ATAD2B: variants seen among roughly 807,000 people sequenced by gnomAD.
The protein encoded by ATAD2B is ATPase family AAA domain-containing protein 2B.
ATAD2B carries 40 observed loss-of-function variants against 167.6 expected under a neutral mutation model. That is an observed-to-expected ratio of 0.24 (90% confidence interval 0.19 to 0.31). ATAD2B has a LOEUF of 0.31. Among genes scored for constraint, ATAD2B ranks in the 10% least tolerant of loss-of-function variants. The probability of loss-of-function intolerance (pLI) is 1.00; values close to 1 mark genes in which losing one functional copy is unlikely to be tolerated. For synonymous variants in ATAD2B, 579 were observed against 596.5 expected, an observed-to-expected ratio of 0.97 and a Z score of 0.43; for missense variants, 1,242 against 1,757.2, an observed-to-expected ratio of 0.71 and a Z score of 5.24.
At chr2:23,806,149 A>T (rs971843891) in intron 18 of ATAD2B, 1 of 152,206 alleles carries the variant, frequency 6.6e-6, no homozygotes, top group African/African-American at 2.4e-5. Flanking sequence ...ACTTTCACAC[A>T]TAAGATAATA....
Position 23,926,745 on chromosome 2 carries a change from A to G in ATAD2B, c.26T>C (p.Leu9Pro). 1 of 1,547,276 alleles carries G rather than the reference A, an allele frequency of 6.5e-7. No homozygotes were observed. Among genetic ancestry groups the G allele is most frequent in the South Asian group, 1.2e-5 (1 of 83,856 alleles). The change falls in exon 1 of 28, where the codon CTC (leucine) becomes CCC (proline). Residue 9 changes from leucine (L) to proline (P), a missense_variant. Around this residue, in one of 9 missense-constraint regions of ATAD2B, gnomAD observed 199 missense variants for 194.9 expected, o/e 1.02. Coordinates refer to ENST00000238789, the MANE Select transcript of ATAD2B (RefSeq NM_017552.4). MVNTRKSSLRLLGSKSPGP... is the reference protein window; with the variant it reads MVNTRKSSPRLLGSKSPGP... ...AGGAGACTTGGACCCGAGAAGGCGG[A>G]GAGAGCTCTTCCGGGTGTTCACCAT... is the stretch of plus-strand genomic sequence containing the variant.
intron 1 of ATAD2B, among the ~76,000 whole-genome samples, chr2:23,925,210 A>T (rs1704543529): frequency 6.6e-6 from 1 of 152,230 alleles, no homozygotes; most frequent in South Asian, 2.1e-4. Context: ...CACAACTTTC[A>T]GATTTAACCT....
intron 17 of ATAD2B, among the ~76,000 whole-genome samples, chr2:23,814,544 C>T (rs145110246): frequency 6.6e-6 from 1 of 152,250 alleles, no homozygotes. Flanking sequence ...AATTCCAAGA[C>T]TGCAAACAGG....
the ATAD2B span, among the ~76,000 whole-genome samples, chr2:23,725,397 A>G: frequency 1.2e-4 from 19 of 152,258 alleles, no homozygotes; most frequent in Admixed American, 3.9e-4. Flanking sequence ...GTCTGTGTAA[A>G]TATAACAGAT....
intron 3 of ATAD2B, 68 bp from the exon 4 acceptor site, chr2:23,888,053 C>CA: frequency 9.2e-7 from 1 of 1,084,376 alleles, no homozygotes; most frequent in South Asian, 2.4e-5. Context: ...AAAAAAAAAT[C>CA]AAAAAATTAC....
chr2:23,706,058 A>G, the ATAD2B span, among the ~76,000 whole-genome samples: 2 of 152,198 alleles, frequency 1.3e-5, no homozygotes, highest in African/African-American at 2.4e-5. Context: ...CTGACATTCA[A>G]TTCCAGCTGA....
chr2:23,916,330 T>C (rs1703038636), intron 1 of ATAD2B, among the ~76,000 whole-genome samples: 1 of 152,240 alleles, frequency 6.6e-6, no homozygotes, highest in Non-Finnish European at 1.5e-5. Flanking sequence ...AAATCAAAGT[T>C]TTAATCCAAG....
chr2:23,823,282 T>C lies in ATAD2B; in HGVS notation c.2107A>G (p.Ile703Val), dbSNP rs539474848. Residue 703 changes from isoleucine (I) to valine (V), a missense_variant, in exon 16 of 28, where the codon ATT becomes GTT. Ile to Val is a conservative substitution (Grantham distance 29, BLOSUM62 3). Around this residue, in one of 9 missense-constraint regions of ATAD2B, gnomAD observed 145 missense variants for 181.9 expected, o/e 0.80. Coordinates refer to ENST00000238789, the MANE Select transcript of ATAD2B (RefSeq NM_017552.4). ...VLQKVFPHAE[I>V]SQSDKKEDIE... ...CCTTCTTTTTTGTCACTCTGGCTAA[T>C]TTCAGCATGAGGAAACACTTTTTGC... 55 of 1,611,918 alleles carry C rather than the reference T, an allele frequency of 3.4e-5. No individual in the cohort carries two copies. Among genetic ancestry groups the C allele is most frequent in the Non-Finnish European group, 4.1e-5 (48 of 1,178,470 alleles).
At chr2:23,919,559 G>A (rs1479903314) in intron 1 of ATAD2B, among the ~76,000 whole-genome samples, 1 of 151,802 alleles carries the variant, frequency 6.6e-6, no homozygotes, top group Non-Finnish European at 1.5e-5. Flanking sequence ...AAAAGTATTA[G>A]GGGCCGGGTG....
chr2:23,753,177 G>C (rs1285484884), intron 27 of ATAD2B, among the ~76,000 whole-genome samples: 1 of 151,988 alleles, frequency 6.6e-6, no homozygotes, highest in African/African-American at 2.4e-5. Flanking sequence ...ATCATCATCC[G>C]ATCAACAAGT....
At chr2:23,856,703 A>G (rs564570183) in intron 13 of ATAD2B, among the ~76,000 whole-genome samples, 54 of 152,054 alleles carry the variant, frequency 3.6e-4, no homozygotes, top group Admixed American at 3.4e-3. Context: ...TCTACTAAAA[A>G]TACAAAATTA....
chr2:23,903,370 C>T (rs759930073), intron 1 of ATAD2B, among the ~76,000 whole-genome samples: 7 of 151,882 alleles, frequency 4.6e-5, no homozygotes, highest in Non-Finnish European at 1.0e-4. Context: ...GAGATAACTT[C>T]CAAGAGAAGT....
At chr2:23,860,484 GATGA>G (rs1216963305) in intron 12 of ATAD2B, among the ~76,000 whole-genome samples, 1 of 152,108 alleles carries the variant, frequency 6.6e-6, no homozygotes, top group Non-Finnish European at 1.5e-5. Flanking sequence ...TCTGATTTAA[GATGA>G]ATGAATATTA....
At chr2:23,703,392 G>A in the ATAD2B span, 29 of 1,477,236 alleles carry the variant, frequency 2.0e-5, no homozygotes, top group African/African-American at 1.3e-4. Flanking sequence ...GAGAACCAGC[G>A]GTGTCCTCAG....
At chr2:23,788,697 G>C in intron 19 of ATAD2B, 50 bp from the exon 20 acceptor site, 1 of 1,410,876 alleles carries the variant, frequency 7.1e-7, no homozygotes, top group Non-Finnish European at 9.6e-7. Flanking sequence ...AGAATTAAAA[G>C]CTTACATATC....
intron 16 of ATAD2B, among the ~76,000 whole-genome samples, chr2:23,820,569 A>G (rs1381297626): frequency 6.6e-6 from 1 of 152,150 alleles, no homozygotes; most frequent in Non-Finnish European, 1.5e-5. Flanking sequence ...AAAACTGACA[A>G]TTCATTCAAT....
chr2:23,746,776 AG>A (rs1674906973), downstream of ATAD2B, among the ~76,000 whole-genome samples: 1 of 152,190 alleles, frequency 6.6e-6, no homozygotes, highest in Non-Finnish European at 1.5e-5. Context: ...GGAAGCAAGA[AG>A]GAAAAAGCAG....
intron 18 of ATAD2B, among the ~76,000 whole-genome samples, chr2:23,807,836 T>C (rs1404287165): frequency 7.5e-6 from 1 of 133,248 alleles, no homozygotes; most frequent in African/African-American, 2.8e-5. Flanking sequence ...AAAATATATA[T>C]ATATATATAA....
chr2:23,697,619 G>A, the ATAD2B span: 1 of 152,238 alleles, frequency 6.6e-6, no homozygotes. Flanking sequence ...AAAGACGGTT[G>A]CAGAGTGAGG....
Sources: gnomAD v4.1 joint callset for allele counts (sites outside exome capture counted in the v4.1 genomes callset) on GRCh38, gnomAD v4.1.1 for gene constraint, gnomAD v4.1.1 regional missense constraint, MANE v1.5 for transcripts, NCBI Gene and HGNC (gene_info 2026-07-23, HGNC 2026-07-21) for gene names.